Variants in CCSER1 observed in about 807,000 individuals in gnomAD.
The protein encoded by CCSER1 is serine-rich coiled-coil domain-containing protein 1.
A neutral mutation model predicts 82.0 loss-of-function variants in CCSER1; 41 were observed. The ratio of observed to expected loss-of-function variants is 0.50; its 90% CI spans 0.39 to 0.65. The LOEUF is 0.65. Among genes scored for constraint, CCSER1 ranks in the 30% least tolerant of loss-of-function variants. CCSER1 has a pLI of 0.00. For synonymous variants in CCSER1, 414 were observed against 383.9 expected (o/e 1.08, Z -0.92); for missense variants, 1,119 against 1,064.2 (o/e 1.05, Z -0.72).
intron 9 of CCSER1, among the ~76,000 whole-genome samples, chr4:90,972,494 A>T (rs1265612903): frequency 6.6e-6 from 1 of 151,752 alleles, no homozygotes; most frequent in Non-Finnish European, 1.5e-5. Flanking sequence ...TGCACTTGAA[A>T]CTATAAAACG....
At chr4:91,357,151 C>G (rs553555875) in intron 10 of CCSER1, among the ~76,000 whole-genome samples, 2 of 152,168 alleles carry the variant, frequency 1.3e-5, no homozygotes, top group Admixed American at 6.5e-5. Flanking sequence ...TCCTTTAGCA[C>G]CTATTTTTAT....
intron 10 of CCSER1, among the ~76,000 whole-genome samples, chr4:91,244,001 T>A (rs1255034805): frequency 2.0e-5 from 3 of 152,204 alleles, no homozygotes; most frequent in Non-Finnish European, 4.4e-5. Flanking sequence ...AGAAAGCATT[T>A]CCTGACCTTC....
chr4:90,239,749 T>C (rs1482979854), intron 1 of CCSER1, among the ~76,000 whole-genome samples: 1 of 152,122 alleles, frequency 6.6e-6, no homozygotes, highest in Non-Finnish European at 1.5e-5. Context: ...AGTACTGGGA[T>C]TATAGGCACG....
In CCSER1 at chr4:91,299,200, G is replaced by A. The variant is rs528023721; in HGVS notation, c.2217+213206G>A. 5.3e-5 allele frequency among the ~76,000 whole-genome samples: 8 copies of A among 152,068 alleles called. No individual in the cohort carries two copies. The South Asian group carries it at 1.7e-3, about 32-fold the overall frequency. ...AGCTCCATAATGCCCTTTTAAGAGT[G>A]AGGCAGACACAAATTTGATGAGATT... On this transcript the variant is annotated intron_variant, in intron 10 of 10. Transcript: ENST00000509176.
intron 10 of CCSER1, among the ~76,000 whole-genome samples, chr4:91,148,274 T>C (rs1306288996): frequency 2.0e-5 from 3 of 152,136 alleles, no homozygotes; most frequent in African/African-American, 7.2e-5. Flanking sequence ...AATTACTCTC[T>C]TCAATTGAGA....
intron 7 of CCSER1, among the ~76,000 whole-genome samples, chr4:90,736,720 AGGACTTACTC>A (rs1745708823): frequency 6.6e-6 from 1 of 151,950 alleles, no homozygotes; most frequent in Non-Finnish European, 1.5e-5. Context: ...TTAATAAGTA[AGGACTTACTC>A]CTACTTACTC....
chr4:90,828,540 T>A (rs1048040302), intron 8 of CCSER1, among the ~76,000 whole-genome samples: 1 of 152,152 alleles, frequency 6.6e-6, no homozygotes, highest in Non-Finnish European at 1.5e-5. Context: ...AAAAATTTAG[T>A]TTCGTATCAC....
chr4:90,687,738 C>T (rs1238999567), intron 6 of CCSER1, among the ~76,000 whole-genome samples: 2 of 152,000 alleles, frequency 1.3e-5, no homozygotes, highest in Non-Finnish European at 2.9e-5. Flanking sequence ...ACAACAGCCA[C>T]CCCAAACGAG....
At chr4:90,439,809 CA>C (rs1198846366) in intron 4 of CCSER1, among the ~76,000 whole-genome samples, 1 of 152,172 alleles carries the variant, frequency 6.6e-6, no homozygotes, top group Non-Finnish European at 1.5e-5. Context: ...GCCTCCAAAA[CA>C]TCTTCTTTCA....
intron 10 of CCSER1, among the ~76,000 whole-genome samples, chr4:91,092,227 C>T (rs539916548): frequency 6.6e-6 from 1 of 152,302 alleles, no homozygotes; most frequent in African/African-American, 2.4e-5. Flanking sequence ...AATACCTTTG[C>T]TGTCCTCTGT....
chr4:91,457,207 GA>G (rs1449150059), intron 10 of CCSER1, among the ~76,000 whole-genome samples: 17 of 152,118 alleles, frequency 1.1e-4, no homozygotes, highest in African/African-American at 3.9e-4. Flanking sequence ...TTACTGTAAA[GA>G]ACATGAGTAA....
chr4:90,534,281 C>T (rs1404879740), intron 5 of CCSER1, among the ~76,000 whole-genome samples: 1 of 152,180 alleles, frequency 6.6e-6, no homozygotes, highest in Non-Finnish European at 1.5e-5. Flanking sequence ...AGGCGCCCGC[C>T]ACCACGCCTG....
At chr4:91,228,291 G>A (rs556577407) in intron 10 of CCSER1, among the ~76,000 whole-genome samples, 12 of 152,160 alleles carry the variant, frequency 7.9e-5, no homozygotes, top group African/African-American at 1.4e-4. Context: ...AAAGAAGTAC[G>A]TATCTAGTTT....
At chr4:90,509,066 C>T (rs1209893892) in intron 5 of CCSER1, among the ~76,000 whole-genome samples, 3 of 152,022 alleles carry the variant, frequency 2.0e-5, no homozygotes, top group Non-Finnish European at 4.4e-5. Context: ...TTAAAAGATT[C>T]AGTCTCAGGT....
intron 10 of CCSER1, among the ~76,000 whole-genome samples, chr4:91,386,454 T>C (rs1751293953): frequency 6.6e-6 from 1 of 152,070 alleles, no homozygotes; most frequent in South Asian, 2.1e-4. Flanking sequence ...AAGAGAGGGC[T>C]TTCCCTTATA....
chr4:91,098,386 A>C (rs1430498871), intron 10 of CCSER1, among the ~76,000 whole-genome samples: 1 of 152,224 alleles, frequency 6.6e-6, no homozygotes, highest in East Asian at 1.9e-4. Context: ...ACATTAGCAC[A>C]AGAATGATTT....
chr4:91,022,694 T>C (rs1260925418), intron 9 of CCSER1, among the ~76,000 whole-genome samples: 1 of 152,246 alleles, frequency 6.6e-6, no homozygotes, highest in African/African-American at 2.4e-5. Flanking sequence ...TTTTTAATGA[T>C]CGCCATTCTA....
At chr4:91,285,623 T>C (rs1743222440) in intron 10 of CCSER1, among the ~76,000 whole-genome samples, 2 of 151,874 alleles carry the variant, frequency 1.3e-5, no homozygotes, top group South Asian at 4.1e-4. Context: ...GGGTCTTAAG[T>C]TGCAATATTT....
At chr4:91,078,625 A>G (rs993155480) in intron 9 of CCSER1, among the ~76,000 whole-genome samples, 3 of 152,220 alleles carry the variant, frequency 2.0e-5, no homozygotes, top group Admixed American at 6.5e-5. Context: ...GGTAATAACA[A>G]ACTTCTCCGA....
Sources: gnomAD v4.1 joint callset for allele counts (sites outside exome capture counted in the v4.1 genomes callset) on GRCh38, gnomAD v4.1.1 for gene constraint, MANE v1.5 for transcripts, NCBI Gene and HGNC (gene_info 2026-07-23, HGNC 2026-07-21) for gene names.